The following KIAA1549L variants were observed in gnomAD, a reference collection of about 807,000 sequenced individuals.
KIAA1549L encodes KIAA1549 like, also known as UPF0606 protein KIAA1549L.
Under a neutral mutation model 160.7 loss-of-function variants are expected in KIAA1549L, and 88 were observed. The ratio of observed to expected loss-of-function variants is 0.55; its 90% CI spans 0.46 to 0.65. KIAA1549L has a LOEUF of 0.65. Among genes scored for constraint, KIAA1549L ranks in the 30% least tolerant of loss-of-function variants. The probability of loss-of-function intolerance (pLI) is 0.00; values close to 1 mark genes in which losing one functional copy is unlikely to be tolerated. For missense variants in KIAA1549L, 2,258 were observed against 2,437.5 expected, an observed-to-expected ratio of 0.93 and a Z score of 1.55; for synonymous variants, 950 against 976.7, an observed-to-expected ratio of 0.97 and a Z score of 0.51.
At chr11:33,557,921 G>GGA (rs370305867) in intron 6 of KIAA1549L, among the ~76,000 whole-genome samples, 1 of 151,544 alleles carries the variant, frequency 6.6e-6, no homozygotes, top group Admixed American at 6.6e-5. Flanking sequence ...AAAAGGCGGG[G>GGA]GAGAGAGAGA....
chr11:33,550,772 G>C, intron 4 of KIAA1549L, among the ~76,000 whole-genome samples: 1 of 152,086 alleles, frequency 6.6e-6, no homozygotes, highest in Non-Finnish European at 1.5e-5. Flanking sequence ...GATGGTCACA[G>C]GATTATACTG....
intron 1 of KIAA1549L, among the ~76,000 whole-genome samples, chr11:33,535,931 C>G (rs769036724): frequency 6.6e-6 from 1 of 152,214 alleles, no homozygotes; most frequent in Non-Finnish European, 1.5e-5. Flanking sequence ...ATTTCCTCCT[C>G]AAAATTTGTG....
chr11:33,468,954 A>T (rs1852118359), intron 1 of KIAA1549L, among the ~76,000 whole-genome samples: 1 of 152,126 alleles, frequency 6.6e-6, no homozygotes, highest in Middle Eastern at 3.2e-3. Context: ...TAATGGACTC[A>T]GGACTTCGTT....
At chr11:33,607,322 G>C (rs1850532817) in intron 14 of KIAA1549L, among the ~76,000 whole-genome samples, 1 of 151,960 alleles carries the variant, frequency 6.6e-6, no homozygotes, top group Non-Finnish European at 1.5e-5. Flanking sequence ...GCTGCTTCCA[G>C]AAAGCTATCA....
intron 1 of KIAA1549L, among the ~76,000 whole-genome samples, chr11:33,385,536 GT>G (rs1850156896): frequency 6.6e-6 from 1 of 152,202 alleles, no homozygotes; most frequent in South Asian, 2.1e-4. Context: ...CCGTGATTGA[GT>G]TTCACTGCTT....
At chr11:33,599,694 T>C (rs1162684032) in intron 13 of KIAA1549L, among the ~76,000 whole-genome samples, 1 of 152,216 alleles carries the variant, frequency 6.6e-6, no homozygotes, top group Non-Finnish European at 1.5e-5. Context: ...AACATCATTG[T>C]GCAGCTCCCT....
At chr11:33,613,855 A>C (rs1003407059) in intron 15 of KIAA1549L, among the ~76,000 whole-genome samples, 2 of 152,238 alleles carry the variant, frequency 1.3e-5, no homozygotes, top group African/African-American at 4.8e-5. Context: ...GAGCCTTAAA[A>C]AAATCAGAAC....
chr11:33,638,742 C>G (rs1351569587), intron 16 of KIAA1549L, among the ~76,000 whole-genome samples: 1 of 152,166 alleles, frequency 6.6e-6, no homozygotes, highest in Non-Finnish European at 1.5e-5. Context: ...TGCACTGTTG[C>G]CTCTCCCACT....
At chr11:33,487,048 A>T (rs1045684343) in intron 1 of KIAA1549L, among the ~76,000 whole-genome samples, 1 of 152,118 alleles carries the variant, frequency 6.6e-6, no homozygotes, top group African/African-American at 2.4e-5. Flanking sequence ...GCAATTTATT[A>T]TTCACTCAAT....
intron 17 of KIAA1549L, 53 bp downstream of exon 17, chr11:33,646,089 G>A (rs1458558222): frequency 1.7e-5 from 23 of 1,370,016 alleles, no homozygotes; most frequent in Middle Eastern, 2.6e-4. Flanking sequence ...TGCCCAGTGA[G>A]TTCCAACAGG....
intron 1 of KIAA1549L, among the ~76,000 whole-genome samples, chr11:33,436,416 A>G (rs567148750): frequency 6.6e-6 from 1 of 152,328 alleles, no homozygotes; most frequent in East Asian, 1.9e-4. Flanking sequence ...TCAGAGAGAA[A>G]GAAGTCTTTC....
At chr11:33,404,902 G>A (rs953359036) in intron 1 of KIAA1549L, among the ~76,000 whole-genome samples, 4 of 151,444 alleles carry the variant, frequency 2.6e-5, no homozygotes, top group Admixed American at 2.0e-4. Flanking sequence ...CAGCTACTCG[G>A]GAGGCTGAGG....
intron 6 of KIAA1549L, among the ~76,000 whole-genome samples, chr11:33,558,304 C>T (rs1301473804): frequency 1.3e-5 from 2 of 152,110 alleles, no homozygotes. Context: ...CAGTACGGTA[C>T]CCAAGGCTCT....
chr11:33,559,803 A>G lies in KIAA1549L; in HGVS notation c.3910A>G (p.Asn1304Asp). Residue 1304 changes from asparagine (N) to aspartate (D), a missense_variant, in exon 7 of 21, where the codon AAT becomes GAT. By Grantham distance (23) the Asn-to-Asp change is conservative. Transcript: ENST00000658780. Reference sequence around the variant, plus strand: ...AGTCACCTTGGTGTACGTCGTGGGCAATCAGAGCACATTCCTCAACGGCAC... The same window carrying G: ...AGTCACCTTGGTGTACGTCGTGGGCGATCAGAGCACATTCCTCAACGGCAC... ...QAVTLVYVVG[N>D]QSTFLNGTVA... 6.2e-7 allele frequency: 1 copy of G among 1,613,980 alleles called. No homozygotes were observed. Among genetic ancestry groups the G allele is most frequent in the Non-Finnish European group, 8.5e-7 (1 of 1,179,862 alleles).
intron 1 of KIAA1549L, among the ~76,000 whole-genome samples, chr11:33,455,955 A>G (rs1851813322): frequency 6.6e-6 from 1 of 152,154 alleles, no homozygotes; most frequent in Non-Finnish European, 1.5e-5. Flanking sequence ...CCCGGGGAGG[A>G]AGTATTCAGC....
chr11:33,423,957 A>C (rs1213864840), intron 1 of KIAA1549L, among the ~76,000 whole-genome samples: 2 of 151,972 alleles, frequency 1.3e-5, no homozygotes, highest in African/African-American at 4.8e-5. Context: ...TGAGCCCAGG[A>C]GGTTGAGGCT....
chr11:33,596,756 C>A (rs1015425921), intron 12 of KIAA1549L, among the ~76,000 whole-genome samples: 1 of 152,090 alleles, frequency 6.6e-6, no homozygotes, highest in Non-Finnish European at 1.5e-5. Context: ...CAGTCATTCA[C>A]TATTTTGTGA....
chr11:33,483,781 A>G (rs761320650), intron 1 of KIAA1549L, among the ~76,000 whole-genome samples: 2 of 152,214 alleles, frequency 1.3e-5, no homozygotes, highest in Non-Finnish European at 2.9e-5. Flanking sequence ...GTGACCATGT[A>G]AGATGTGCCT....
At chr11:33,531,248 T>A (rs1313941172) in intron 1 of KIAA1549L, among the ~76,000 whole-genome samples, 1 of 152,044 alleles carries the variant, frequency 6.6e-6, no homozygotes, top group Non-Finnish European at 1.5e-5. Context: ...CCAAGGCAGG[T>A]GGATCTTTGA....
Sources: gnomAD v4.1 joint callset for allele counts (sites outside exome capture counted in the v4.1 genomes callset) on GRCh38, gnomAD v4.1.1 for gene constraint, MANE v1.5 for transcripts, NCBI Gene and HGNC (gene_info 2026-07-23, HGNC 2026-07-21) for gene names.